The following SDK2 variants were observed in gnomAD, a reference collection of about 807,000 sequenced individuals.
SDK2 encodes sidekick cell adhesion molecule 2, also known as protein sidekick-2.
Under a neutral mutation model 253.9 loss-of-function variants are expected in SDK2, and 105 were observed. That is an observed-to-expected ratio of 0.41 (90% CI 0.35 to 0.49). The LOEUF (loss-of-function observed/expected upper bound fraction) is 0.49, where lower values mean the gene tolerates loss of function less well. SDK2 is among the 20% of genes least tolerant of loss of function. The probability of loss-of-function intolerance (pLI) is 0.06; values close to 1 mark genes in which losing one functional copy is unlikely to be tolerated. For missense variants in SDK2, 2,608 were observed against 3,003.0 expected, an observed-to-expected ratio of 0.87 and a Z score of 3.07; for synonymous variants, 1,249 against 1,234.9, an observed-to-expected ratio of 1.01 and a Z score of -0.24.
At position 73,438,080 on chromosome 17, in the gene SDK2, C is replaced by T. The variant is rs371577368; in HGVS notation, c.800G>A (p.Arg267His). 1.1e-4 allele frequency: 169 copies of T among 1,551,550 alleles called. No homozygotes were observed. The highest frequency in any genetic ancestry group is 1.4e-4 in the Non-Finnish European group (160 of 1,146,990). Residue 267 changes from arginine (R) to histidine (H), a missense_variant, in exon 7 of 45, where the codon CGC becomes CAC. By Grantham distance (29) the Arg-to-His change is conservative. Transcript: ENST00000392650. ...LLSGGISDHNRRLTIPNPTGS... is the reference protein window; with the variant it reads ...LLSGGISDHNHRLTIPNPTGS... ...GGTGGGGTTGGGGATGGTGAGCCGG[C>T]GGTTGTGGTCACTGATGCCGCCCGA...
chr17:73,389,597 G>A (rs1243539996), intron 29 of SDK2, among the ~76,000 whole-genome samples: 6 of 152,140 alleles, frequency 3.9e-5, no homozygotes, highest in Non-Finnish European at 7.4e-5. Context: ...CTTGCTTTTG[G>A]GGAGTCCAAG....
At chr17:73,538,464 C>T (rs1567830208) in intron 1 of SDK2, among the ~76,000 whole-genome samples, 2 of 152,274 alleles carry the variant, frequency 1.3e-5, no homozygotes, top group East Asian at 3.9e-4. Flanking sequence ...GCCTCGGAGC[C>T]CTAACCCAGC....
At chr17:73,640,110 G>A (rs1034850770) in intron 1 of SDK2, among the ~76,000 whole-genome samples, 3 of 152,314 alleles carry the variant, frequency 2.0e-5, no homozygotes, top group African/African-American at 7.2e-5. Context: ...TTAAACAGAG[G>A]ATCGCTGTAA....
intron 2 of SDK2, among the ~76,000 whole-genome samples, chr17:73,484,845 G>T (rs1021948305): frequency 6.6e-6 from 1 of 152,148 alleles, no homozygotes; most frequent in Admixed American, 6.5e-5. Context: ...ATAGAGATGG[G>T]ATCTCACTAT....
intron 1 of SDK2, among the ~76,000 whole-genome samples, chr17:73,510,306 G>A (rs1413168946): frequency 6.6e-6 from 1 of 152,110 alleles, no homozygotes; most frequent in Non-Finnish European, 1.5e-5. Context: ...CAGGCCTGAG[G>A]GCTCAATCTT....
intron 1 of SDK2, among the ~76,000 whole-genome samples, chr17:73,548,030 C>G (rs116144466): frequency 6.6e-6 from 1 of 152,110 alleles, no homozygotes; most frequent in African/African-American, 2.4e-5. Flanking sequence ...ATCTTCAGAT[C>G]TTGTGAGAAC....
intron 30 of SDK2, among the ~76,000 whole-genome samples, 159 bp downstream of exon 30, chr17:73,387,677 G>T (rs2145488077): frequency 6.6e-6 from 1 of 152,368 alleles, no homozygotes; most frequent in East Asian, 1.9e-4. Context: ...ATTTGCGAGG[G>T]TGAGAGTGGA....
intron 2 of SDK2, among the ~76,000 whole-genome samples, chr17:73,493,646 A>T (rs2063822600): frequency 6.6e-6 from 1 of 152,226 alleles, no homozygotes; most frequent in South Asian, 2.1e-4. Context: ...AATGGGAGGC[A>T]TTAAGTGTTT....
At chr17:73,386,052 C>G (rs913642897) in intron 31 of SDK2, 135 bp from the exon 32 acceptor site, 1 of 601,934 alleles carries the variant, frequency 1.7e-6, no homozygotes, top group Non-Finnish European at 3.0e-6. Flanking sequence ...CCTGCTGGCC[C>G]GATTTCTGCA....
chr17:73,472,988 C>T (rs534988162), intron 2 of SDK2, among the ~76,000 whole-genome samples: 9 of 152,324 alleles, frequency 5.9e-5, no homozygotes, highest in Non-Finnish European at 1.3e-4. Flanking sequence ...TCCATTAAAC[C>T]TCTTTCTTTC....
rs1208471516 is a variant in SDK2, at chr17:73,447,779, G to A, written c.480-31C>T. On this transcript the variant is annotated intron_variant, in intron 4 of 44. Coordinates refer to ENST00000392650, the MANE Select transcript of SDK2 (RefSeq NM_001144952.2). The surrounding 1 kb of genome is among the most constrained non-coding windows in gnomAD (Gnocchi z 4.0). ...AAGAGGAAAAGGATTCCTCTGACAG[G>A]GGCCTAAGGGGCTCTGAACCTCCAG... 3 of 1,551,172 alleles carry A rather than the reference G, an allele frequency of 1.9e-6. No individual in the cohort carries two copies. Among genetic ancestry groups the A allele is most frequent in the African/African-American group, 2.7e-5 (2 of 72,980 alleles).
intron 2 of SDK2, among the ~76,000 whole-genome samples, chr17:73,493,025 C>CG (rs1567804414): frequency 6.6e-6 from 1 of 152,146 alleles, no homozygotes; most frequent in Non-Finnish European, 1.5e-5. Flanking sequence ...TCAGGGTAAG[C>CG]GGGGTCTCCA....
intron 2 of SDK2, among the ~76,000 whole-genome samples, chr17:73,474,157 G>A (rs186659402): frequency 1.4e-4 from 22 of 152,090 alleles, no homozygotes; most frequent in South Asian, 6.2e-4. Context: ...ATGAGCCACC[G>A]CACCCAGCCA....
At chr17:73,489,445 A>AG (rs1213553874) in intron 2 of SDK2, among the ~76,000 whole-genome samples, 1 of 152,144 alleles carries the variant, frequency 6.6e-6, no homozygotes, top group Non-Finnish European at 1.5e-5. Flanking sequence ...ATTAACTTGG[A>AG]GGGGGGTACC....
chr17:73,377,116 C>A (rs142842884), intron 36 of SDK2, among the ~76,000 whole-genome samples: 1 of 149,694 alleles, frequency 6.7e-6, no homozygotes, highest in Non-Finnish European at 1.5e-5. Context: ...AACAACCAGC[C>A]GCCAAGAATG....
At chr17:73,538,560 A>G (rs1198693851) in intron 1 of SDK2, among the ~76,000 whole-genome samples, 4 of 152,240 alleles carry the variant, frequency 2.6e-5, no homozygotes, top group Admixed American at 2.6e-4. Flanking sequence ...GTGACATTTG[A>G]AAAGATGAAT....
chr17:73,408,696 T>C (rs2063101426), intron 18 of SDK2, among the ~76,000 whole-genome samples: 1 of 152,128 alleles, frequency 6.6e-6, no homozygotes, highest in Non-Finnish European at 1.5e-5. Flanking sequence ...ACTAAGTTTC[T>C]TCCCAAATAA....
chr17:73,387,911 C>A lies in SDK2; in HGVS notation c.4319G>T (p.Arg1440Leu). ...SPVRYYTIQT[R>L]ELPSGRWALH... The stretch of plus-strand genomic sequence containing the variant: ...TGCCCACCTGCCGCTGGGCAGCTCG[C>A]GGGTCTGGATGGTGTAGTAGCGCAC... Residue 1440 changes from arginine (R) to leucine (L), a missense_variant, in exon 30 of 45, where the codon CGC becomes CTC. Transcript: ENST00000392650. 1 of 1,591,168 alleles carries A rather than the reference C, an allele frequency of 6.3e-7. No homozygotes were observed. Among genetic ancestry groups the A allele is most frequent in the Non-Finnish European group, 8.6e-7 (1 of 1,169,544 alleles).
At chr17:73,554,991 C>A (rs967477931) in intron 1 of SDK2, among the ~76,000 whole-genome samples, 1 of 152,242 alleles carries the variant, frequency 6.6e-6, no homozygotes, top group Non-Finnish European at 1.5e-5. Context: ...GGCCTTGGTG[C>A]CCAGACTGGC....
Sources: allele counts gnomAD v4.1 joint callset (sites outside exome capture counted in the v4.1 genomes callset), GRCh38; gene constraint gnomAD v4.1.1; non-coding constraint Gnocchi (gnomAD v3.1); transcripts MANE v1.5; gene names NCBI Gene and HGNC (gene_info 2026-07-23, HGNC 2026-07-21).